Variants in IGFBP4 observed in about 807,000 individuals in gnomAD.
IGFBP4 encodes insulin like growth factor binding protein 4.
IGFBP4 carries 9 observed loss-of-function variants against 25.8 expected under a neutral mutation model. The ratio of observed to expected loss-of-function variants is 0.35; its 90% CI spans 0.21 to 0.61. The LOEUF (loss-of-function observed/expected upper bound fraction) is 0.61. Among genes scored for constraint, IGFBP4 ranks in the 20% least tolerant of loss-of-function variants. IGFBP4 has a pLI of 0.77. For synonymous variants in IGFBP4, 153 were observed against 153.9 expected (o/e 0.99, Z 0.05); for missense variants, 315 against 365.3 (o/e 0.86, Z 1.12).
In IGFBP4 at chr17:40,453,179, GAC is replaced by G. The variant is rs3055243; in HGVS notation, c.507+51_507+52del. 403 of 921,736 alleles carry G rather than the reference GAC, an allele frequency of 4.4e-4. No individual in the cohort carries two copies. Among genetic ancestry groups the G allele is most frequent in the Non-Finnish European group, 5.1e-4 (343 of 675,198 alleles). 57.1% of individuals were successfully genotyped at this position (921,736 alleles called of 1,614,324 possible). A position where few individuals can be genotyped will look rare whatever the true frequency, so the allele number is the denominator to read the frequency against. On this transcript the variant is annotated intron_variant, in intron 2 of 3. Transcript: ENST00000269593. The surrounding 1 kb of genome is among the most constrained non-coding windows in gnomAD (Gnocchi z 4.0). ...CGATGCACAAATGTGCATGTGCATA[GAC>G]ACACACACACACATGCCCCCTGCCC...
intron 1 of IGFBP4, among the ~76,000 whole-genome samples, chr17:40,448,486 G>A (rs1409539413): frequency 6.6e-6 from 1 of 152,194 alleles, no homozygotes; most frequent in Admixed American, 6.5e-5. Context: ...CTTTTTGGAG[G>A]TCAGACTTTT....
At chr17:40,445,382 C>T (rs1358336533) in intron 1 of IGFBP4, among the ~76,000 whole-genome samples, 5 of 152,234 alleles carry the variant, frequency 3.3e-5, no homozygotes, top group African/African-American at 1.2e-4. Flanking sequence ...CTGTCTGTCT[C>T]TGTCTCTTTT....
chr17:40,453,903 G>A lies in IGFBP4; in HGVS notation c.508-25G>A, dbSNP rs2035700208. ...CTCCTGCCTCTCTTCCTTCTGCTGA[G>A]CAATTTTGTCTTCCCCTCCTCCAGC... On this transcript the variant is annotated intron_variant, in intron 2 of 3. Coordinates refer to ENST00000269593, the MANE Select transcript of IGFBP4 (RefSeq NM_001552.3). The surrounding 1 kb of genome is among the most constrained non-coding windows in gnomAD (Gnocchi z 4.0). 2 of 1,580,432 alleles carry A rather than the reference G, an allele frequency of 1.3e-6. No homozygotes were observed. Among genetic ancestry groups the A allele is most frequent in the Non-Finnish European group, 1.7e-6 (2 of 1,160,878 alleles).
At chr17:40,447,531 T>C (rs951196522) in intron 1 of IGFBP4, among the ~76,000 whole-genome samples, 1 of 152,116 alleles carries the variant, frequency 6.6e-6, no homozygotes, top group Non-Finnish European at 1.5e-5. Context: ...AGTTATGTCA[T>C]GGGAACAAGG....
chr17:40,449,649 T>C (rs1468285264), intron 1 of IGFBP4, among the ~76,000 whole-genome samples: 1 of 151,222 alleles, frequency 6.6e-6, no homozygotes, highest in Admixed American at 6.6e-5. Context: ...CTTGGGAGGC[T>C]GAGGCAGGAG....
At chr17:40,450,776 C>T (rs555258112) in intron 1 of IGFBP4, among the ~76,000 whole-genome samples, 6 of 152,100 alleles carry the variant, frequency 3.9e-5, no homozygotes, top group Admixed American at 1.3e-4. Context: ...CCTCCCACCT[C>T]GGCCTCTCAA....
chr17:40,454,635 CAGGAG>C (rs2035704806), intron 3 of IGFBP4, among the ~76,000 whole-genome samples: 1 of 152,194 alleles, frequency 6.6e-6, no homozygotes, highest in Admixed American at 6.5e-5. Flanking sequence ...AGGAGTGGGG[CAGGAG>C]AGAAGACACA....
At position 40,453,954 on chromosome 17, in the gene IGFBP4, G is replaced by T; in HGVS notation, c.534G>T (p.Leu178=). 1 of 1,611,634 alleles carries T rather than the reference G, an allele frequency of 6.2e-7. No individual in the cohort carries two copies. The highest frequency in any genetic ancestry group is 1.7e-5 in the Admixed American group (1 of 59,694). ...PVPQGSCQSE[L]HRALERLAAS... ...CCCAGGGCTCCTGCCAGAGCGAGCTGCACCGGGCGCTGGAGCGGCTGGCCG... is the reference window on the plus strand; with the variant it reads ...CCCAGGGCTCCTGCCAGAGCGAGCTTCACCGGGCGCTGGAGCGGCTGGCCG... Residue 178 remains leucine, a synonymous_variant, in exon 3 of 4, where the codon CTG becomes CTT. Transcript: ENST00000269593. The surrounding 1 kb of genome is among the most constrained non-coding windows in gnomAD (Gnocchi z 4.0).
intron 1 of IGFBP4, among the ~76,000 whole-genome samples, chr17:40,444,333 T>A (rs1463531836): frequency 6.6e-6 from 1 of 152,152 alleles, no homozygotes. Context: ...AAGGGTTGTC[T>A]GTTTGATAAG....
rs377138446 is a variant in IGFBP4, at chr17:40,454,091, C to G, written c.642+29C>G. On this transcript the variant is annotated intron_variant, in intron 3 of 3. Coordinates refer to ENST00000269593, the MANE Select transcript of IGFBP4 (RefSeq NM_001552.3). ...GGTCTCTGTCTCCCGCTGGCTTGGC[C>G]CTGGACTCAGCTCTGGGGCATTTCC... 1.0e-5 allele frequency: 16 copies of G among 1,604,222 alleles called. No individual in the cohort carries two copies. In the African/African-American group the frequency reaches 1.7e-4, roughly 17 times the overall value.
intron 1 of IGFBP4, among the ~76,000 whole-genome samples, chr17:40,448,348 C>A (rs535737049): frequency 6.6e-6 from 1 of 152,264 alleles, no homozygotes; most frequent in Non-Finnish European, 1.5e-5. Flanking sequence ...TTCTCTGGCG[C>A]CTTCCCTTCC....
rs1210231982 is a variant in IGFBP4, at chr17:40,453,933, G to C, written c.513G>C (p.Gln171His). 4 of 1,605,234 alleles carry C rather than the reference G, an allele frequency of 2.5e-6. No homozygotes were observed. Among genetic ancestry groups the C allele is most frequent in the Non-Finnish European group, 3.4e-6 (4 of 1,176,594 alleles). The change falls in exon 3 of 4, where the codon CAG becomes CAC. Residue 171 changes from glutamine to histidine, a missense_variant. Transcript: ENST00000269593. This position sits in a 1 kb window ranked among gnomAD's most constrained non-coding sequence, Gnocchi z 4.0. Reference sequence around the variant, plus strand: ...TTTGTCTTCCCCTCCTCCAGCCCCAGGGCTCCTGCCAGAGCGAGCTGCACC... The same window carrying C: ...TTTGTCTTCCCCTCCTCCAGCCCCACGGCTCCTGCCAGAGCGAGCTGCACC... ...APREDARPVPQGSCQSELHRA... is the reference protein window; with the variant it reads ...APREDARPVPHGSCQSELHRA...
rs186019964 is a variant in IGFBP4 at position 40,456,497 on chromosome 17, C to T, written c.691C>T (p.Arg231Trp). 1.3e-4 allele frequency: 203 copies of T among 1,613,932 alleles called. 1 individual carries two copies. The highest frequency in any genetic ancestry group is 9.6e-4 in the South Asian group (87 of 91,080). Residue 231 changes from arginine to tryptophan, a missense_variant, in exon 4 of 4, where the codon CGG becomes TGG. Arg to Trp is a moderately radical substitution (Grantham distance 101, BLOSUM62 -3). Transcript: ENST00000269593. ...GCGTGGCAAGTGCTGGTGTGTGGAC[C>T]GGAAGACGGGGGTGAAGCTTCCGGG... is the stretch of plus-strand genomic sequence containing the variant. ...GQRGKCWCVD[R>W]KTGVKLPGGL...
intron 1 of IGFBP4, among the ~76,000 whole-genome samples, chr17:40,450,508 T>C (rs1294117325): frequency 6.6e-6 from 1 of 152,072 alleles, no homozygotes; most frequent in Non-Finnish European, 1.5e-5. Flanking sequence ...TCTAATTCTT[T>C]AATTCTTGAA....
chr17:40,444,549 T>C (rs1378763835), intron 1 of IGFBP4, among the ~76,000 whole-genome samples: 1 of 152,068 alleles, frequency 6.6e-6, no homozygotes, highest in Non-Finnish European at 1.5e-5. Context: ...ACTTTTTTTT[T>C]ACATGGTCCA....
At position 40,444,783 on chromosome 17, in the gene IGFBP4, T is replaced by C. The variant is rs571748307; in HGVS notation, c.349+699T>C. On this transcript the variant is annotated intron_variant, in intron 1 of 3. Transcript: ENST00000269593. ...GAGGTGGTAGAAAAGTCTTGGCTCCTAGCCGAGAGCTGCAGGAGCCTCATG... is the reference window on the plus strand; with the variant it reads ...GAGGTGGTAGAAAAGTCTTGGCTCCCAGCCGAGAGCTGCAGGAGCCTCATG... Among the ~76,000 whole-genome samples the C allele has an allele frequency of 1.6e-4, 24 of 151,504 alleles. No individual in the cohort carries two copies. In the East Asian group the frequency reaches 4.5e-3, roughly 28 times the overall value.
intron 3 of IGFBP4, among the ~76,000 whole-genome samples, chr17:40,455,532 G>T (rs1597677049): frequency 6.6e-6 from 1 of 151,890 alleles, no homozygotes; most frequent in Non-Finnish European, 1.5e-5. Context: ...GCCGAGGCTG[G>T]AGTGCAATGG....
At chr17:40,456,237 C>G (rs1484151756) in intron 3 of IGFBP4, among the ~76,000 whole-genome samples, 1 of 152,170 alleles carries the variant, frequency 6.6e-6, no homozygotes, top group Non-Finnish European at 1.5e-5. Flanking sequence ...TCCTGCCTTC[C>G]AGAACTCTCT....
intron 1 of IGFBP4, among the ~76,000 whole-genome samples, chr17:40,447,651 A>G (rs1158738297): frequency 6.6e-6 from 1 of 152,190 alleles, no homozygotes; most frequent in Non-Finnish European, 1.5e-5. Flanking sequence ...CTCGGGTATC[A>G]GGAGTCTTTC....
Sources: allele counts gnomAD v4.1 joint callset (sites outside exome capture counted in the v4.1 genomes callset), GRCh38; gene constraint gnomAD v4.1.1; non-coding constraint Gnocchi (gnomAD v3.1); transcripts MANE v1.5; gene names NCBI Gene and HGNC (gene_info 2026-07-23, HGNC 2026-07-21).